The following SLIT2 variants were observed in gnomAD, a reference collection of about 807,000 sequenced individuals.
SLIT2 encodes the protein slit homolog 2 protein.
In SLIT2, 41 loss-of-function variants were observed where a neutral mutation model predicts 185.7. The observed-to-expected ratio is 0.22, with a 90% CI of 0.17 to 0.29. The LOEUF (loss-of-function observed/expected upper bound fraction) is 0.29, where lower values mean the gene tolerates loss of function less well. SLIT2 is among the 10% of genes least tolerant of loss of function. The pLI is 1.00. For synonymous variants in SLIT2, 693 were observed against 680.2 expected, an observed-to-expected ratio of 1.02 and a Z score of -0.29; for missense variants, 1,571 against 1,909.0, an observed-to-expected ratio of 0.82 and a Z score of 3.30.
At chr4:20,263,875 A>G (rs1273646115) in intron 3 of SLIT2, among the ~76,000 whole-genome samples, 1 of 151,886 alleles carries the variant, frequency 6.6e-6, no homozygotes, top group Non-Finnish European at 1.5e-5. Context: ...GAATTATTTT[A>G]TCTTAGCTGC....
rs564701904 is a variant in SLIT2 at position 20,595,444 on chromosome 4, C to G, written c.3183-253C>G. On this transcript the variant is annotated intron_variant, in intron 30 of 36. Coordinates refer to ENST00000504154, the MANE Select transcript of SLIT2 (RefSeq NM_004787.4). ...GAGGGAGTGACCCTGCTACAATTACCCTGTTCTTATTTGGGCTGTGGATGT... is the reference window on the plus strand; with the variant it reads ...GAGGGAGTGACCCTGCTACAATTACGCTGTTCTTATTTGGGCTGTGGATGT... 4.6e-4 allele frequency among the ~76,000 whole-genome samples: 66 copies of G among 142,950 alleles called. 1 individual carries two copies. Among genetic ancestry groups the G allele is most frequent in the Admixed American group, 1.7e-3 (23 of 13,714 alleles). 93.8% of individuals were successfully genotyped at this position (142,950 alleles called of 152,430 possible).
chr4:20,466,901 T>G (rs1371489732), intron 4 of SLIT2, among the ~76,000 whole-genome samples: 1 of 152,224 alleles, frequency 6.6e-6, no homozygotes, highest in Non-Finnish European at 1.5e-5. Flanking sequence ...TAAAACTAGA[T>G]GAGAATTTTC....
chr4:20,309,381 A>G (rs1474447622), intron 4 of SLIT2, among the ~76,000 whole-genome samples: 1 of 151,840 alleles, frequency 6.6e-6, no homozygotes, highest in Non-Finnish European at 1.5e-5. Context: ...CTTTTAACAG[A>G]TCTTTTTTTT....
intron 26 of SLIT2, among the ~76,000 whole-genome samples, chr4:20,558,013 A>T (rs963901384): frequency 6.6e-6 from 1 of 152,080 alleles, no homozygotes; most frequent in Non-Finnish European, 1.5e-5. Context: ...TAAAACTTCA[A>T]TGAATAAGGA....
chr4:20,472,392 A>ATCTATATCTATATATATAGATC (rs1560453801), intron 5 of SLIT2, among the ~76,000 whole-genome samples: 1 of 72,096 alleles, frequency 1.4e-5, no homozygotes, highest in Non-Finnish European at 2.4e-5. Flanking sequence ...ATATGTAGAT[A>ATCTATATCTATATATATAGATC]TATAGATATA....
At chr4:20,332,256 T>A (rs896100711) in intron 4 of SLIT2, among the ~76,000 whole-genome samples, 3 of 152,078 alleles carry the variant, frequency 2.0e-5, no homozygotes, top group Non-Finnish European at 4.4e-5. Context: ...GAACAGAACT[T>A]TTAGTAAAAT....
chr4:20,504,025 A>C (rs935788634), intron 9 of SLIT2, among the ~76,000 whole-genome samples: 3 of 152,190 alleles, frequency 2.0e-5, no homozygotes, highest in African/African-American at 7.2e-5. Flanking sequence ...CTGTAGGCTA[A>C]AATATGTTGG....
At chr4:20,296,584 A>T (rs1358978486) in intron 4 of SLIT2, among the ~76,000 whole-genome samples, 1 of 152,180 alleles carries the variant, frequency 6.6e-6, no homozygotes, top group Non-Finnish European at 1.5e-5. Context: ...TGGACTATAG[A>T]TACTACATAA....
chr4:20,368,636 C>T (rs545537444), intron 4 of SLIT2, among the ~76,000 whole-genome samples: 1 of 152,038 alleles, frequency 6.6e-6, no homozygotes, highest in Admixed American at 6.6e-5. Flanking sequence ...AAATTTCATT[C>T]TAAGTAATTC....
intron 4 of SLIT2, among the ~76,000 whole-genome samples, chr4:20,420,924 T>G (rs1728126045): frequency 6.6e-6 from 1 of 152,128 alleles, no homozygotes. Context: ...AAACAGATCA[T>G]GCTGGCACCC....
chr4:20,434,006 T>A (rs1297253747), intron 4 of SLIT2, among the ~76,000 whole-genome samples: 2 of 152,090 alleles, frequency 1.3e-5, no homozygotes, highest in Non-Finnish European at 2.9e-5. Flanking sequence ...TTTAATTGAA[T>A]TAAAAGGTTC....
At chr4:20,366,695 G>A (rs1477256383) in intron 4 of SLIT2, among the ~76,000 whole-genome samples, 1 of 152,136 alleles carries the variant, frequency 6.6e-6, no homozygotes, top group African/African-American at 2.4e-5. Flanking sequence ...GAGAGGGGAA[G>A]AACTGAGTTG....
chr4:20,427,670 CT>C (rs909558402), intron 4 of SLIT2, among the ~76,000 whole-genome samples: 3,545 of 126,616 alleles, frequency 0.028, 72 homozygotes, highest in African/African-American at 0.071. Context: ...AATTTGCATT[CT>C]TTTTTTTTTT....
At chr4:20,281,013 A>G (rs2109056172) in intron 4 of SLIT2, among the ~76,000 whole-genome samples, 1 of 152,150 alleles carries the variant, frequency 6.6e-6, no homozygotes, top group African/African-American at 2.4e-5. Context: ...TTGTGTTTTT[A>G]GTAGAGATGG....
At chr4:20,262,677 C>T (rs888675122) in intron 3 of SLIT2, among the ~76,000 whole-genome samples, 4 of 151,780 alleles carry the variant, frequency 2.6e-5, no homozygotes, top group East Asian at 1.9e-4. Context: ...TGAGTATGCA[C>T]ATAGCATAAA....
chr4:20,555,802 C>A (rs1050869970), intron 26 of SLIT2, among the ~76,000 whole-genome samples: 1 of 151,676 alleles, frequency 6.6e-6, no homozygotes, highest in African/African-American at 2.4e-5. Context: ...AATATCAGAG[C>A]TAATTTTATA....
intron 4 of SLIT2, among the ~76,000 whole-genome samples, chr4:20,326,840 C>T (rs574603254): frequency 1.6e-5 from 2 of 125,308 alleles, no homozygotes; most frequent in South Asian, 2.6e-4. Context: ...TCTTCTTTTC[C>T]TTTTTTTATT....
chr4:20,582,248 T>A (rs1726643328), intron 29 of SLIT2, among the ~76,000 whole-genome samples: 1 of 152,190 alleles, frequency 6.6e-6, no homozygotes, highest in African/African-American at 2.4e-5. Flanking sequence ...TGCAGAAGCC[T>A]CTGTCAGAGC....
chr4:20,506,770 T>C (rs570929183), intron 9 of SLIT2, among the ~76,000 whole-genome samples: 1 of 152,042 alleles, frequency 6.6e-6, no homozygotes, highest in East Asian at 1.9e-4. Context: ...TTTTATAATA[T>C]ATTAAAATTT....
Sources: allele counts gnomAD v4.1 joint callset (sites outside exome capture counted in the v4.1 genomes callset), GRCh38; gene constraint gnomAD v4.1.1; transcripts MANE v1.5; gene names NCBI Gene and HGNC (gene_info 2026-07-23, HGNC 2026-07-21).